The following KIFC3 variants were observed in gnomAD, a reference collection of about 807,000 sequenced individuals.
The protein encoded by KIFC3 is kinesin family member C3, also known as kinesin-like protein KIFC3.
KIFC3 carries 60 observed loss-of-function variants against 101.8 expected under a neutral mutation model. That is an observed-to-expected ratio of 0.59 (90% confidence interval 0.48 to 0.73). KIFC3 has a LOEUF of 0.73. Among genes scored for constraint, KIFC3 ranks in the 30% least tolerant of loss-of-function variants. The probability of loss-of-function intolerance (pLI) is 0.00; values close to 1 mark genes in which losing one functional copy is unlikely to be tolerated. For missense variants in KIFC3, 966 were observed against 1,137.1 expected, an observed-to-expected ratio of 0.85 and a Z score of 2.16; for synonymous variants, 476 against 482.7, an observed-to-expected ratio of 0.99 and a Z score of 0.18.
chr16:57,802,697 C>G, upstream of KIFC3: 1 of 880,712 alleles, frequency 1.1e-6, no homozygotes, highest in Non-Finnish European at 1.7e-6. The surrounding 1 kb of genome is among the most constrained non-coding windows in gnomAD (Gnocchi z 5.0). Flanking sequence ...CACTCGGTCT[C>G]TCCCGCCTCC....
rs1555481354 is a variant in KIFC3, at chr16:57,840,777, A to AT, written c.108+21951_108+21952insA. Among the ~76,000 whole-genome samples, 961 of 150,870 alleles carry AT rather than the reference A, an allele frequency of 6.4e-3. 17 individuals carry two copies. The highest frequency in any genetic ancestry group is 0.02 in the African/African-American group (825 of 40,830). ...CTCTGTCTCAAAAAAAAAAAAAAAAAAGTTAAAATAAACCTAGCACAGGTT... is the reference window on the plus strand; with the variant it reads ...CTCTGTCTCAAAAAAAAAAAAAAAAATAGTTAAAATAAACCTAGCACAGGTT... On this transcript the variant is annotated intron_variant, in intron 1 of 2. Coordinates refer to the KIFC3 transcript ENST00000563028.
intron 3 of KIFC3, chr16:57,776,353 T>C (rs3826092): frequency 0.66 from 647,141 of 985,172 alleles, 218,680 homozygotes; most frequent in Non-Finnish European, 0.69. Flanking sequence ...ATCTGTCCCC[T>C]GTCCACGCCA....
chr16:57,802,300 G>A lies in KIFC3; in HGVS notation c.-40+70C>T. On this transcript the variant is annotated intron_variant, in intron 1 of 19. Coordinates refer to ENST00000445690, the MANE Select transcript of KIFC3 (RefSeq NM_001130100.2). The surrounding 1 kb of genome is among the most constrained non-coding windows in gnomAD (Gnocchi z 5.0). Reference sequence around the variant, plus strand: ...AGGGCAGGGCCGGCCCGGACGCGGCGCCCCAAACGGCGGGCCGGGCAGAGC... The same window carrying A: ...AGGGCAGGGCCGGCCCGGACGCGGCACCCCAAACGGCGGGCCGGGCAGAGC... 2.4e-6 allele frequency: 2 copies of A among 822,986 alleles called. No individual in the cohort carries two copies. Among genetic ancestry groups the A allele is most frequent in the Non-Finnish European group, 2.9e-6 (2 of 681,812 alleles). 51.0% of individuals were successfully genotyped at this position (822,986 alleles called of 1,614,324 possible).
At chr16:57,797,623 C>G in intron 2 of KIFC3, 1 of 959,970 alleles carries the variant, frequency 1.0e-6, no homozygotes, top group Non-Finnish European at 1.3e-6. Context: ...AGCCTCGGTC[C>G]ACTCCCAACG....
At chr16:57,764,463 G>C (rs2050223326) in intron 11 of KIFC3, 1 of 548,570 alleles carries the variant, frequency 1.8e-6, no homozygotes, top group African/African-American at 1.9e-5. Context: ...GGGAAGACAG[G>C]CCAGTGCCTG....
chr16:57,811,918 C>CAAAAAAA (rs533115992), intron 1 of KIFC3, among the ~76,000 whole-genome samples: 1 of 107,810 alleles, frequency 9.3e-6, no homozygotes, highest in African/African-American at 3.4e-5. Flanking sequence ...GACTCCGTCT[C>CAAAAAAA]AAAAAAAAAA....
intron 1 of KIFC3, among the ~76,000 whole-genome samples, chr16:57,827,875 G>A (rs2055491994): frequency 6.6e-6 from 1 of 152,188 alleles, no homozygotes; most frequent in Admixed American, 6.5e-5. Context: ...ACCTCATTTT[G>A]TACTGAGCAC....
chr16:57,816,516 T>A (rs2055228563), intron 1 of KIFC3: 1 of 456,724 alleles, frequency 2.2e-6, no homozygotes, highest in African/African-American at 2.0e-5. Context: ...ACGTTCCTTG[T>A]CTGCGCCTTA....
chr16:57,792,305 T>G (rs953805964), intron 3 of KIFC3, among the ~76,000 whole-genome samples: 1 of 152,192 alleles, frequency 6.6e-6, no homozygotes, highest in Non-Finnish European at 1.5e-5. Flanking sequence ...TTTGCCTTCA[T>G]CCCTTCGTGA....
chr16:57,815,092 G>T (rs1329769952), intron 1 of KIFC3, among the ~76,000 whole-genome samples: 10 of 152,202 alleles, frequency 6.6e-5, no homozygotes, highest in African/African-American at 2.4e-4. Flanking sequence ...TCCAGGCTGG[G>T]GTGATACCAT....
chr16:57,789,846 C>G (rs782601921), intron 3 of KIFC3, among the ~76,000 whole-genome samples: 1 of 152,020 alleles, frequency 6.6e-6, no homozygotes, highest in Admixed American at 6.6e-5. Flanking sequence ...AAGCGATTCT[C>G]CTGCCTCAGC....
intron 1 of KIFC3, chr16:57,815,711 T>A: frequency 8.2e-7 from 1 of 1,220,876 alleles, no homozygotes; most frequent in South Asian, 1.3e-5. Context: ...AGCAAATATC[T>A]GTCTACTCCC....
At chr16:57,851,304 C>T (rs2056053295) in intron 1 of KIFC3, among the ~76,000 whole-genome samples, 1 of 152,174 alleles carries the variant, frequency 6.6e-6, no homozygotes. Flanking sequence ...TGTGAGCCAC[C>T]ATGCATGGCC....
In KIFC3 at chr16:57,758,785, G is replaced by C. The variant is rs782534620; in HGVS notation, c.*149C>G. On this transcript the variant is annotated 3_prime_UTR_variant, in exon 20 of 20. Transcript: ENST00000445690. ...ATCTTTGAGGGGAGACGGGGCAGAA[G>C]AAGAGCCTCCACTCTCGCCTCTACC... 6.4e-6 allele frequency: 8 copies of C among 1,246,948 alleles called. No individual in the cohort carries two copies. The highest frequency in any genetic ancestry group is 1.2e-5 in the South Asian group (1 of 83,970). 77.2% of individuals were successfully genotyped at this position (1,246,948 alleles called of 1,614,324 possible).
intron 1 of KIFC3, among the ~76,000 whole-genome samples, chr16:57,835,021 GA>G (rs1555480104): frequency 6.6e-6 from 1 of 152,218 alleles, no homozygotes; most frequent in African/African-American, 2.4e-5. Context: ...AAATGCAACA[GA>G]AAAGCTGCTT....
chr16:57,798,019 G>GT, intron 2 of KIFC3, 53 bp downstream of exon 2: 1 of 1,554,942 alleles, frequency 6.4e-7, no homozygotes, highest in South Asian at 1.2e-5. Flanking sequence ...CTCATCTCTG[G>GT]TATCTGGAGG....
Position 57,769,363 on chromosome 16 carries a change from T to C in KIFC3, c.1218+232A>G, listed in dbSNP as rs2050871514. 6.6e-6 allele frequency among the ~76,000 whole-genome samples: 1 copy of C among 152,204 alleles called. No individual in the cohort carries two copies. Among genetic ancestry groups the C allele is most frequent in the African/African-American group, 2.4e-5 (1 of 41,448 alleles). Reference sequence around the variant, plus strand: ...CATGTTTGAAATATGAAGTTATCTGTAACATGTTTGGTTTAAAGAATCATA... The same window carrying C: ...CATGTTTGAAATATGAAGTTATCTGCAACATGTTTGGTTTAAAGAATCATA... On this transcript the variant is annotated intron_variant, in intron 9 of 19. Transcript: ENST00000445690. This position sits in a 1 kb window ranked among gnomAD's most constrained non-coding sequence, Gnocchi z 4.3.
chr16:57,819,139 G>A (rs782302033), intron 1 of KIFC3, among the ~76,000 whole-genome samples: 5 of 152,126 alleles, frequency 3.3e-5, no homozygotes, highest in Admixed American at 6.6e-5. Flanking sequence ...GAACGGTCCA[G>A]TGTCTTCACG....
chr16:57,824,649 C>T (rs557273669), intron 1 of KIFC3, among the ~76,000 whole-genome samples: 1 of 152,268 alleles, frequency 6.6e-6, no homozygotes, highest in African/African-American at 2.4e-5. Context: ...TGCCCCTGCA[C>T]TCCACCCTGG....
Sources: allele counts gnomAD v4.1 joint callset (sites outside exome capture counted in the v4.1 genomes callset), GRCh38; gene constraint gnomAD v4.1.1; non-coding constraint Gnocchi (gnomAD v3.1); transcripts MANE v1.5; gene names NCBI Gene and HGNC (gene_info 2026-07-23, HGNC 2026-07-21).